MTOR: variants seen among roughly 807,000 people sequenced by gnomAD.
MTOR encodes the protein mechanistic target of rapamycin kinase.
MTOR carries 70 observed loss-of-function variants against 319.8 expected under a neutral mutation model. That is an observed-to-expected ratio of 0.22 (90% CI 0.18 to 0.27). The LOEUF (loss-of-function observed/expected upper bound fraction) is 0.27. MTOR is among the 10% of genes least tolerant of loss of function. The pLI is 1.00. For synonymous variants in MTOR, 1,183 were observed against 1,211.4 expected (o/e 0.98, Z 0.49); for missense variants, 1,890 against 3,274.4 (o/e 0.58, Z 10.32).
intron 28 of MTOR, chr1:11,190,049 C>T (rs1307217895): frequency 7.0e-7 from 1 of 1,435,758 alleles, no homozygotes. Context: ...CTACTGGGGC[C>T]TCTTTTGTGG....
chr1:11,260,497 G>A (rs1404011464), intron 1 of MTOR, among the ~76,000 whole-genome samples: 2 of 151,406 alleles, frequency 1.3e-5, no homozygotes, highest in Non-Finnish European at 2.9e-5. Flanking sequence ...AGCTGAGATT[G>A]GGCCATTGCA....
chr1:11,167,507 T>C lies in MTOR; in HGVS notation c.4264A>G (p.Lys1422Glu). 6.2e-7 allele frequency: 1 copy of C among 1,612,134 alleles called. No homozygotes were observed. Residue 1422 changes from lysine (K) to glutamate (E), a missense_variant, in exon 29 of 58, where the codon AAG becomes GAG. By Grantham distance (56) the Lys-to-Glu change is moderately conservative. Coordinates refer to ENST00000361445, the MANE Select transcript of MTOR (RefSeq NM_004958.4). The part of the protein sequence containing the change: ...ILESLISINN[K>E]LQQPEAAAGV... The stretch of plus-strand genomic sequence containing the variant: ...GCCGCTGCCTCCGGCTGCTGTAGCT[T>C]ATTATTAATGCTGAGAAAACAAAGG...
chr1:11,226,774 C>G (rs1646851845), intron 19 of MTOR, among the ~76,000 whole-genome samples: 2 of 152,054 alleles, frequency 1.3e-5, no homozygotes, highest in South Asian at 4.1e-4. Context: ...CAGAGCTAGA[C>G]CCTATCTCAA....
At chr1:11,155,009 G>C (rs1038895154) in intron 30 of MTOR, among the ~76,000 whole-genome samples, 1 of 152,196 alleles carries the variant, frequency 6.6e-6, no homozygotes. Flanking sequence ...TTAGCCCACT[G>C]TGGTGGTGTG....
At chr1:11,147,471 G>A (rs1243951921) in intron 31 of MTOR, among the ~76,000 whole-genome samples, 1 of 152,138 alleles carries the variant, frequency 6.6e-6, no homozygotes, top group Non-Finnish European at 1.5e-5. Context: ...GGATTTCCAA[G>A]ACCATCTGCA....
At chr1:11,138,613 T>C (rs1430996455) in intron 36 of MTOR, among the ~76,000 whole-genome samples, 5 of 152,160 alleles carry the variant, frequency 3.3e-5, no homozygotes, top group African/African-American at 9.7e-5. Flanking sequence ...TACTTCACTG[T>C]GGGGGTCACA....
intron 28 of MTOR, chr1:11,189,742 C>A (rs1298844140): frequency 7.4e-6 from 12 of 1,614,014 alleles, no homozygotes; most frequent in Non-Finnish European, 7.6e-6. Flanking sequence ...GCTCAAGGCC[C>A]AAGTTGCCAA....
intron 33 of MTOR, 80 bp downstream of exon 33, chr1:11,144,888 T>C: frequency 6.5e-7 from 1 of 1,548,784 alleles, no homozygotes; most frequent in Non-Finnish European, 8.9e-7. Flanking sequence ...CAGCAGCCTG[T>C]AAGTTCTCAA....
rs12117235 is a variant in MTOR at position 11,107,703 on chromosome 1, C to T, written c.7635-203G>A. Reference sequence around the variant, plus strand: ...AGGTCCCGCAAGGACACTTCCCCAGCGCCCGCTCTCTCAAGTTTCTGCCTT... The same window carrying T: ...AGGTCCCGCAAGGACACTTCCCCAGTGCCCGCTCTCTCAAGTTTCTGCCTT... On this transcript the variant is annotated intron_variant, in intron 57 of 57. Transcript: ENST00000361445. Among the ~76,000 whole-genome samples the T allele has an allele frequency of 0.051, 7,790 of 152,244 alleles. 272 individuals carry two copies. Among genetic ancestry groups the T allele is most frequent in the South Asian group, 0.12 (571 of 4,814 alleles).
intron 19 of MTOR, among the ~76,000 whole-genome samples, chr1:11,219,889 C>T (rs948001334): frequency 6.6e-6 from 1 of 151,440 alleles, no homozygotes; most frequent in African/African-American, 2.4e-5. Flanking sequence ...AAAAAATTAG[C>T]CAGCATGGTG....
chr1:11,174,875 G>C lies in MTOR; in HGVS notation c.4254-7358C>G, dbSNP rs76599588. 3.1e-3 allele frequency among the ~76,000 whole-genome samples: 472 copies of C among 152,282 alleles called. 4 individuals carry two copies. The highest frequency in any genetic ancestry group is 0.011 in the African/African-American group (457 of 41,544). On this transcript the variant is annotated intron_variant, in intron 28 of 57. Coordinates refer to ENST00000361445, the MANE Select transcript of MTOR (RefSeq NM_004958.4). ...TTCAAAGCTCCAGCCCAACAGAAGA[G>C]GAGTACGTAACACCACAAACCAGAC... is the stretch of plus-strand genomic sequence containing the variant.
chr1:11,138,254 CTT>C (rs1386618682), intron 36 of MTOR, among the ~76,000 whole-genome samples: 36 of 152,296 alleles, frequency 2.4e-4, no homozygotes, highest in African/African-American at 8.4e-4. Flanking sequence ...GGAGGTCAGG[CTT>C]TGAATCAGAA....
chr1:11,119,323 T>A (rs1263685210), intron 49 of MTOR, among the ~76,000 whole-genome samples: 2 of 151,590 alleles, frequency 1.3e-5, no homozygotes, highest in Non-Finnish European at 2.9e-5. Flanking sequence ...TCCCAGCACT[T>A]TGAGAGGCTG....
intron 1 of MTOR, among the ~76,000 whole-genome samples, chr1:11,260,074 C>T (rs934749077): frequency 1.3e-5 from 2 of 152,304 alleles, no homozygotes; most frequent in East Asian, 1.9e-4. Flanking sequence ...AGGGCATATA[C>T]TAAGTTCTTA....
chr1:11,128,532 T>G lies in MTOR; in HGVS notation c.5832A>C (p.Ala1944=). The part of the protein sequence containing the change: ...TWLQVIPQLI[A]RIDTPRPLVG... ...CCAAGGGTCTGGGCGTATCAATTCT[T>G]GCAATGAGCTGAGGTATAACCTGGT... Residue 1944 remains alanine, a synonymous_variant, in exon 42 of 58, where the codon GCA becomes GCC. Transcript: ENST00000361445. This position sits in a 1 kb window ranked among gnomAD's most constrained non-coding sequence, Gnocchi z 5.3. 1 of 1,614,218 alleles carries G rather than the reference T, an allele frequency of 6.2e-7. No individual in the cohort carries two copies. Among genetic ancestry groups the G allele is most frequent in the Non-Finnish European group, 8.5e-7 (1 of 1,180,038 alleles).
At chr1:11,194,854 G>C in intron 28 of MTOR, 11 of 1,613,938 alleles carry the variant, frequency 6.8e-6, no homozygotes, top group Non-Finnish European at 9.3e-6. Flanking sequence ...CTCATGCCAG[G>C]TGGCTACTGG....
At chr1:11,120,522 A>G (rs1416003620) in intron 49 of MTOR, among the ~76,000 whole-genome samples, 1 of 146,932 alleles carries the variant, frequency 6.8e-6, no homozygotes, top group East Asian at 2.0e-4. Flanking sequence ...TGGGCGGGGA[A>G]AAAAAAAAAA....
Position 11,234,154 on chromosome 1 carries a change from G to A in MTOR, c.2320C>T (p.Pro774Ser), listed in dbSNP as rs1647116157. 6.2e-7 allele frequency: 1 copy of A among 1,614,036 alleles called. No homozygotes were observed. Among genetic ancestry groups the A allele is most frequent in the Non-Finnish European group, 8.5e-7 (1 of 1,180,030 alleles). The change falls in exon 14 of 58, where the codon CCT becomes TCT. Residue 774 changes from proline to serine, a missense_variant. Physicochemically the swap from Pro to Ser is moderately conservative, Grantham distance 74 (BLOSUM62 -1). This residue lies in a region of MTOR where 377 missense variants were observed against 653.9 expected (regional missense o/e 0.58). Transcript: ENST00000361445. ...APRLIRPYME[P>S]ILKALILKLK... is the part of the protein sequence containing the mutation. ...TCGGTTTGTGTTACCTTCAGAATAG[G>A]CTCCATGTAGGGGCGGATGAGTCGG...
intron 16 of MTOR, among the ~76,000 whole-genome samples, chr1:11,231,915 GT>G (rs1647029650): frequency 6.6e-6 from 1 of 151,764 alleles, no homozygotes; most frequent in Non-Finnish European, 1.5e-5. Context: ...TAGAGACAAA[GT>G]CTCATCATGC....
Sources: gnomAD v4.1 joint callset for allele counts (sites outside exome capture counted in the v4.1 genomes callset) on GRCh38, gnomAD v4.1.1 for gene constraint, gnomAD v4.1.1 regional missense constraint, Gnocchi (gnomAD v3.1) non-coding constraint, MANE v1.5 for transcripts, NCBI Gene and HGNC (gene_info 2026-07-23, HGNC 2026-07-21) for gene names.